Variants in RNFT2 observed in about 807,000 individuals in gnomAD.
The protein encoded by RNFT2 is E3 ubiquitin-protein ligase RNFT2.
RNFT2 carries 36 observed loss-of-function variants against 53.0 expected under a neutral mutation model. That is an observed-to-expected ratio of 0.68 (90% CI 0.52 to 0.90). The LOEUF is 0.90. Ranked by LOEUF, RNFT2 falls within the 40% of genes least tolerant of loss-of-function variation. The pLI is 0.00. For synonymous variants in RNFT2, 260 were observed against 253.2 expected, an observed-to-expected ratio of 1.03 and a Z score of -0.26; for missense variants, 514 against 585.6, an observed-to-expected ratio of 0.88 and a Z score of 1.26.
intron 7 of RNFT2, among the ~76,000 whole-genome samples, chr12:116,817,409 C>T (rs964682030): frequency 6.6e-6 from 1 of 152,224 alleles, no homozygotes; most frequent in African/African-American, 2.4e-5. Context: ...CTCAACCTCC[C>T]AAAGTGCTGG....
chr12:116,752,711 CT>C (rs1872306840), intron 4 of RNFT2, among the ~76,000 whole-genome samples: 2 of 152,114 alleles, frequency 1.3e-5, no homozygotes, highest in Non-Finnish European at 2.9e-5. Flanking sequence ...AACCCCATCT[CT>C]ACTAATAATT....
chr12:116,798,077 G>A (rs751742998), intron 7 of RNFT2, among the ~76,000 whole-genome samples: 4 of 152,048 alleles, frequency 2.6e-5, no homozygotes, highest in Non-Finnish European at 4.4e-5. Context: ...TCACTAGGAC[G>A]GGCCCTGGTC....
chr12:116,758,913 A>G (rs1872597896), intron 5 of RNFT2, among the ~76,000 whole-genome samples: 1 of 152,232 alleles, frequency 6.6e-6, no homozygotes, highest in South Asian at 2.1e-4. Context: ...GGTCTCTAGC[A>G]AGGCCGGGGA....
In RNFT2 at chr12:116,852,657, T is replaced by C. The variant is rs758984739; in HGVS notation, c.*3209T>C. On this transcript the variant is annotated 3_prime_UTR_variant, in exon 11 of 11. Transcript: ENST00000257575. ...AGATCATCCTGCCTGCAGATGCTGT[T>C]GAAGGGGCACAAGAAATTGGAGCTG... 9.5e-5 allele frequency: 154 copies of C among 1,613,906 alleles called. No individual in the cohort carries two copies. Among genetic ancestry groups the C allele is most frequent in the Non-Finnish European group, 1.3e-4 (149 of 1,179,904 alleles).
At chr12:116,752,361 C>T (rs1439501704) in intron 4 of RNFT2, among the ~76,000 whole-genome samples, 3 of 152,164 alleles carry the variant, frequency 2.0e-5, no homozygotes, top group Admixed American at 6.5e-5. Context: ...TGGCATCTTC[C>T]CCACTACCCT....
chr12:116,826,170 C>T (rs1312369036), intron 7 of RNFT2, among the ~76,000 whole-genome samples: 1 of 152,104 alleles, frequency 6.6e-6, no homozygotes, highest in African/African-American at 2.4e-5. Flanking sequence ...GCATCCTACT[C>T]TCCTTCATTT....
chr12:116,807,255 C>A (rs1875128177), intron 7 of RNFT2, among the ~76,000 whole-genome samples: 1 of 152,290 alleles, frequency 6.6e-6, no homozygotes, highest in South Asian at 2.1e-4. Context: ...GGTCACACAG[C>A]AAGTCTGTGG....
In RNFT2 at chr12:116,852,729, G is replaced by T. The variant is rs79315548; in HGVS notation, c.*3281G>T. 1.9e-3 allele frequency: 3,100 copies of T among 1,611,390 alleles called. 56 individuals are homozygous for T. The African/African-American group carries it at 0.036, about 19-fold the overall frequency. Reference sequence around the variant, plus strand: ...GGTGTGTAAGGAAATAGAACAGTCTGCTGGGAGTCAGACCTGGAATTCTGA... The same window carrying T: ...GGTGTGTAAGGAAATAGAACAGTCTTCTGGGAGTCAGACCTGGAATTCTGA... On this transcript the variant is annotated 3_prime_UTR_variant, in exon 11 of 11. Coordinates refer to ENST00000257575, the MANE Select transcript of RNFT2 (RefSeq NM_001382266.1).
intron 10 of RNFT2, among the ~76,000 whole-genome samples, chr12:116,841,894 A>AAT (rs1218501770): frequency 9.4e-5 from 2 of 21,222 alleles, no homozygotes; most frequent in South Asian, 8.6e-4. Flanking sequence ...TATATATAAA[A>AAT]ATATATATAT....
At chr12:116,821,384 G>T (rs868252902) in intron 7 of RNFT2, among the ~76,000 whole-genome samples, 2 of 152,216 alleles carry the variant, frequency 1.3e-5, no homozygotes, top group Non-Finnish European at 2.9e-5. Context: ...CCCAGCACGG[G>T]CCTCAGCTCA....
At chr12:116,796,502 T>C (rs1430537463) in intron 7 of RNFT2, among the ~76,000 whole-genome samples, 2 of 152,116 alleles carry the variant, frequency 1.3e-5, no homozygotes, top group Admixed American at 6.6e-5. Flanking sequence ...CTCAATCCTA[T>C]TGGTTTTTCT....
At chr12:116,801,088 T>TTCCCATTCCACA (rs1832812904) in intron 7 of RNFT2, 2 of 152,040 alleles carry the variant, frequency 1.3e-5, no homozygotes, top group Non-Finnish European at 2.9e-5. Context: ...AGAAGGGAGG[T>TTCCCATTCCACA]GCTGTTATTG....
chr12:116,829,308 C>T (rs1046285751), intron 7 of RNFT2, among the ~76,000 whole-genome samples: 5 of 152,104 alleles, frequency 3.3e-5, no homozygotes, highest in Non-Finnish European at 7.4e-5. Context: ...ACAAACATGA[C>T]GGCCACCCCC....
At chr12:116,832,898 CTT>C (rs71095601) in intron 7 of RNFT2, among the ~76,000 whole-genome samples, 2 of 84,760 alleles carry the variant, frequency 2.4e-5, no homozygotes, top group Non-Finnish European at 4.1e-5. Flanking sequence ...AAGTCGTGTT[CTT>C]TTTTTTTTTT....
At chr12:116,795,887 T>C (rs1874481631) in intron 7 of RNFT2, among the ~76,000 whole-genome samples, 2 of 152,004 alleles carry the variant, frequency 1.3e-5, no homozygotes, top group African/African-American at 4.8e-5. Flanking sequence ...TCCCAGCTTC[T>C]TCATCTCTCC....
chr12:116,850,605 TTTTTC>T lies in RNFT2; in HGVS notation c.*1172_*1176del, dbSNP rs1161109975. On this transcript the variant is annotated 3_prime_UTR_variant, in exon 11 of 11. Transcript: ENST00000257575. The stretch of plus-strand genomic sequence containing the variant: ...AATCCCTGTGAGCCCTGTGAAGTAT[TTTTTC>T]TTTTCTTTTCTTTTTTTTTTTTTTT... 9.4e-6 allele frequency: 1 copy of T among 106,636 alleles called. No homozygotes were observed. The highest frequency in any genetic ancestry group is 1.9e-5 in the Non-Finnish European group (1 of 52,284). 6.6% of individuals were successfully genotyped at this position (106,636 alleles called of 1,614,324 possible). A position where few individuals can be genotyped will look rare whatever the true frequency, so the allele number is the denominator to read the frequency against.
chr12:116,806,647 G>C (rs1017200007), intron 7 of RNFT2, among the ~76,000 whole-genome samples: 1 of 150,924 alleles, frequency 6.6e-6, no homozygotes, highest in Non-Finnish European at 1.5e-5. Flanking sequence ...AGCTACTCGG[G>C]AGACTGAGGA....
chr12:116,810,703 T>C (rs1369191519), intron 7 of RNFT2, among the ~76,000 whole-genome samples: 1 of 152,126 alleles, frequency 6.6e-6, no homozygotes, highest in Non-Finnish European at 1.5e-5. Context: ...TTCAACTCAA[T>C]GATTAAGCAA....
intron 4 of RNFT2, among the ~76,000 whole-genome samples, chr12:116,750,841 ATATATATAT>A (rs752133746): frequency 0.9 from 92,884 of 102,714 alleles, 41,642 homozygotes; most frequent in Non-Finnish European, 0.95. Flanking sequence ...TATATATATT[ATATATATAT>A]AATATATATT....
Sources: allele counts gnomAD v4.1 joint callset (sites outside exome capture counted in the v4.1 genomes callset), GRCh38; gene constraint gnomAD v4.1.1; transcripts MANE v1.5; gene names NCBI Gene and HGNC (gene_info 2026-07-23, HGNC 2026-07-21).